Variants in ADGRV1 observed in about 807,000 individuals in gnomAD.
The protein encoded by ADGRV1 is G-protein coupled receptor 98.
ADGRV1 carries 359 observed loss-of-function variants against 596.2 expected under a neutral mutation model. That is an observed-to-expected ratio of 0.60 (90% CI 0.55 to 0.66). The LOEUF is 0.66. Ranked by LOEUF, ADGRV1 falls within the 30% of genes least tolerant of loss-of-function variation. The probability of loss-of-function intolerance (pLI) is 0.00; values close to 1 mark genes in which losing one functional copy is unlikely to be tolerated. For missense variants in ADGRV1, 7,274 were observed against 7,575.6 expected, an observed-to-expected ratio of 0.96 and a Z score of 1.48; for synonymous variants, 2,681 against 2,679.2, an observed-to-expected ratio of 1.00 and a Z score of -0.02.
intron 83 of ADGRV1, among the ~76,000 whole-genome samples, chr5:90,887,225 C>A (rs1187174116): frequency 6.6e-6 from 1 of 152,114 alleles, no homozygotes; most frequent in South Asian, 2.1e-4. Context: ...GCCTTGGAAC[C>A]TTTGTGGGTG....
At chr5:91,023,907 C>T (rs576145361) in intron 85 of ADGRV1, among the ~76,000 whole-genome samples, 3 of 152,140 alleles carry the variant, frequency 2.0e-5, no homozygotes, top group Non-Finnish European at 4.4e-5. Flanking sequence ...AACTGAACCT[C>T]AGTTCTCTCA....
At chr5:91,002,863 G>C (rs1175179118) in intron 85 of ADGRV1, among the ~76,000 whole-genome samples, 1 of 152,110 alleles carries the variant, frequency 6.6e-6, no homozygotes, top group Non-Finnish European at 1.5e-5. Flanking sequence ...AATTAACAGT[G>C]ATTAGTAAGT....
chr5:90,965,450 A>G lies in ADGRV1; in HGVS notation c.17892A>G (p.Gln5964=), dbSNP rs1778366992. The change falls in exon 84 of 90, where the codon CAA becomes CAG. Residue 5964 remains glutamine (Q), a synonymous_variant. Transcript: ENST00000405460. ...LFLASAYASP[Q]LAEESCSAMA... Reference sequence around the variant, plus strand: ...TGGCGTCTGCATACGCAAGTCCCCAACTCGCTGAGGAGAGCTGTTCAGCTA... The same window carrying G: ...TGGCGTCTGCATACGCAAGTCCCCAGCTCGCTGAGGAGAGCTGTTCAGCTA... The G allele has an allele frequency of 5.6e-6, 9 of 1,613,510 alleles. No homozygotes were observed. The highest frequency in any genetic ancestry group is 1.7e-5 in the Admixed American group (1 of 60,000).
Position 91,015,828 on chromosome 5 carries a change from C to T in ADGRV1, c.18152+30306C>T, listed in dbSNP as rs151186910. Among the ~76,000 whole-genome samples the T allele has an allele frequency of 4.5e-4, 68 of 151,976 alleles. No individual in the cohort carries two copies. The East Asian group carries it at 0.012, about 27-fold the overall frequency. The stretch of plus-strand genomic sequence containing the variant: ...GGGGCTTGCTTTTTTATCTGGTTTG[C>T]CACTGTGCCTTTTAAATGGGGCATT... On this transcript the variant is annotated intron_variant, in intron 85 of 89. Transcript: ENST00000405460.
chr5:91,008,695 G>A (rs1398610436), intron 85 of ADGRV1, among the ~76,000 whole-genome samples: 1 of 151,730 alleles, frequency 6.6e-6, no homozygotes, highest in East Asian at 1.9e-4. Flanking sequence ...GTAGAGAGGG[G>A]GTCTAACCAT....
At chr5:90,826,049 G>T (rs796587184) in intron 76 of ADGRV1, among the ~76,000 whole-genome samples, 1 of 152,122 alleles carries the variant, frequency 6.6e-6, no homozygotes, top group Non-Finnish European at 1.5e-5. Context: ...AATTTAAAAA[G>T]AGAGAAGATG....
At chr5:90,881,858 T>C (rs1769813059) in intron 83 of ADGRV1, among the ~76,000 whole-genome samples, 2 of 152,018 alleles carry the variant, frequency 1.3e-5, no homozygotes, top group Non-Finnish European at 2.9e-5. Context: ...TCCTGAGTAG[T>C]TGGGACTATA....
At chr5:90,604,469 TTTTG>T (rs1761823934) in intron 1 of ADGRV1, among the ~76,000 whole-genome samples, 1 of 151,410 alleles carries the variant, frequency 6.6e-6, no homozygotes, top group African/African-American at 2.4e-5. Context: ...AAAAAAAAAA[TTTTG>T]TTTGACTAGA....
rs73771179 is a variant in ADGRV1, at chr5:91,119,923, G to T, written c.18432+17583G>T. Reference sequence around the variant, plus strand: ...CACTTTGGCTTTGCTTGGCCTTTCGGACCCTTTTGGCAAAGGAAAATGGTT... The same window carrying T: ...CACTTTGGCTTTGCTTGGCCTTTCGTACCCTTTTGGCAAAGGAAAATGGTT... On this transcript the variant is annotated intron_variant, in intron 87 of 89. Transcript: ENST00000405460. Among the ~76,000 whole-genome samples the T allele has an allele frequency of 6.3e-3, 966 of 152,266 alleles. 11 individuals carry two copies. Among genetic ancestry groups the T allele is most frequent in the African/African-American group, 0.022 (907 of 41,534 alleles).
chr5:90,881,274 A>T (rs1297813253), intron 83 of ADGRV1, among the ~76,000 whole-genome samples: 1 of 152,184 alleles, frequency 6.6e-6, no homozygotes, highest in African/African-American at 2.4e-5. Flanking sequence ...GCATTTGCTC[A>T]TTATTTCTGG....
chr5:90,825,956 C>G (rs184384597), intron 76 of ADGRV1: 1 of 152,250 alleles, frequency 6.6e-6, no homozygotes, highest in East Asian at 1.9e-4. Context: ...ATTTTCAAGA[C>G]ATTTTTTCCC....
At chr5:90,834,743 C>G (rs2443084) in intron 77 of ADGRV1, among the ~76,000 whole-genome samples, 114,387 of 151,552 alleles carry the variant, frequency 0.75, 48,495 homozygotes, top group Non-Finnish European at 0.94. Flanking sequence ...CTCCTTCTAT[C>G]TCTCTCTTTA....
chr5:90,665,666 T>C (rs1476846560), intron 21 of ADGRV1, among the ~76,000 whole-genome samples: 1 of 149,312 alleles, frequency 6.7e-6, no homozygotes, highest in Non-Finnish European at 1.5e-5. Flanking sequence ...CTTTTGAATG[T>C]GTTTGCTCTT....
Position 90,906,510 on chromosome 5 carries a change from C to T in ADGRV1, c.17856+42653C>T, listed in dbSNP as rs536266535. On this transcript the variant is annotated intron_variant, in intron 83 of 89. Coordinates refer to ENST00000405460, the MANE Select transcript of ADGRV1 (RefSeq NM_032119.4). ...TCTTCTAGATTTTCCAATTTATTGG[C>T]ATATAGTTTCTCATAGTAGTCTCTA... is the stretch of plus-strand genomic sequence containing the variant. Among the ~76,000 whole-genome samples, 28 of 152,212 alleles carry T rather than the reference C, an allele frequency of 1.8e-4. 1 individual carries two copies. The highest frequency in any genetic ancestry group is 6.7e-4 in the African/African-American group (28 of 41,556).
intron 50 of ADGRV1, among the ~76,000 whole-genome samples, chr5:90,732,218 G>A (rs1752646748): frequency 6.6e-6 from 1 of 152,046 alleles, no homozygotes; most frequent in Non-Finnish European, 1.5e-5. Flanking sequence ...TGCCCAGCCT[G>A]GTCTTGAGCT....
chr5:91,117,994 G>A (rs965609890), intron 87 of ADGRV1, among the ~76,000 whole-genome samples: 3 of 152,304 alleles, frequency 2.0e-5, no homozygotes, highest in African/African-American at 7.2e-5. Context: ...TATTGTCAGG[G>A]TGGTGGTTGC....
At chr5:90,911,850 C>T (rs1030312042) in intron 83 of ADGRV1, among the ~76,000 whole-genome samples, 1 of 152,130 alleles carries the variant, frequency 6.6e-6, no homozygotes, top group African/African-American at 2.4e-5. Flanking sequence ...AAAGTAGAAA[C>T]TGTCATGGTC....
At chr5:90,774,371 C>T (rs917325024) in intron 60 of ADGRV1, 68 bp downstream of exon 60, 15 of 871,686 alleles carry the variant, frequency 1.7e-5, no homozygotes, top group Admixed American at 8.0e-5. Flanking sequence ...AAAAATAACC[C>T]GTAGTTACAA....
chr5:90,809,183 C>T lies in ADGRV1; in HGVS notation c.14973-1050C>T, dbSNP rs538611521. Among the ~76,000 whole-genome samples, 264 of 151,648 alleles carry T rather than the reference C, an allele frequency of 1.7e-3. 1 individual carries two copies. Among genetic ancestry groups the T allele is most frequent in the Non-Finnish European group, 1.7e-3 (117 of 67,896 alleles). ...GTGTTAGCCAGGATGGTCTCGATCTCCTGACCTCGTGATCCGCCCACCTCG... is the reference window on the plus strand; with the variant it reads ...GTGTTAGCCAGGATGGTCTCGATCTTCTGACCTCGTGATCCGCCCACCTCG... On this transcript the variant is annotated intron_variant, in intron 73 of 89. Coordinates refer to ENST00000405460, the MANE Select transcript of ADGRV1 (RefSeq NM_032119.4).
Sources: allele counts gnomAD v4.1 joint callset (sites outside exome capture counted in the v4.1 genomes callset), GRCh38; gene constraint gnomAD v4.1.1; transcripts MANE v1.5; gene names NCBI Gene and HGNC (gene_info 2026-07-23, HGNC 2026-07-21).